The following LRP4 variants were observed in gnomAD, a reference collection of about 807,000 sequenced individuals.
LRP4 encodes the protein LDL receptor related protein 4.
Under a neutral mutation model 220.3 loss-of-function variants are expected in LRP4, and 95 were observed. The ratio of observed to expected loss-of-function variants is 0.43; its 90% CI spans 0.37 to 0.51. The LOEUF is 0.51. Ranked by LOEUF, LRP4 falls within the 20% of genes least tolerant of loss-of-function variation. The pLI, the probability that LRP4 is intolerant of heterozygous loss-of-function variation, is 0.00. For synonymous variants in LRP4, 903 were observed against 954.6 expected (o/e 0.95, Z 1.00); for missense variants, 1,925 against 2,567.0 (o/e 0.75, Z 5.40).
chr11:46,882,776 A>G (rs1443180233), intron 19 of LRP4, among the ~76,000 whole-genome samples: 1 of 152,072 alleles, frequency 6.6e-6, no homozygotes, highest in Non-Finnish European at 1.5e-5. Flanking sequence ...GGATTGCTTG[A>G]GCCCAGGAGG....
chr11:46,865,757 C>A (rs1262273863), intron 34 of LRP4, among the ~76,000 whole-genome samples: 1 of 152,186 alleles, frequency 6.6e-6, no homozygotes, highest in Non-Finnish European at 1.5e-5. Context: ...CTTGCAAGAG[C>A]ATTTGGAACC....
At chr11:46,860,268 T>TA (rs1174025506) in intron 37 of LRP4, among the ~76,000 whole-genome samples, 3 of 150,088 alleles carry the variant, frequency 2.0e-5, no homozygotes, top group Admixed American at 6.6e-5. Flanking sequence ...GAAAAAAAAC[T>TA]AAAAAAAAGG....
intron 13 of LRP4, among the ~76,000 whole-genome samples, chr11:46,891,428 TACACACACACACACAC>T (rs57116396): frequency 9.5e-5 from 14 of 147,086 alleles, no homozygotes; most frequent in African/African-American, 2.8e-4. Flanking sequence ...TTGTATTTTA[TACACACACACACACAC>T]ACACACACAC....
chr11:46,859,120 CTG>C lies in LRP4; in HGVS notation c.5579_5580del (p.Thr1860ArgfsTer12). 7.4e-6 allele frequency: 12 copies of C among 1,614,202 alleles called. No individual in the cohort carries two copies. Among genetic ancestry groups the C allele is most frequent in the Non-Finnish European group, 1.0e-5 (12 of 1,180,034 alleles). ...TCTTCCTGTAACAGCTGCTCCGTCT[CTG>C]TGTCATCCAGGGAGCCAGAGCTGGC... ...IQASSGSLDD[T>X]ETEQLLQEEQ... On this transcript the variant is annotated frameshift_variant, in exon 38 of 38. Transcript: ENST00000378623. LOFTEE classifies it high-confidence loss of function.
chr11:46,898,645 T>C lies in LRP4; in HGVS notation c.709A>G (p.Met237Val). 1 of 1,614,162 alleles carries C rather than the reference T, an allele frequency of 6.2e-7. No homozygotes were observed. The highest frequency in any genetic ancestry group is 8.5e-7 in the Non-Finnish European group (1 of 1,180,028). The change falls in exon 7 of 38, where the codon ATG becomes GTG. Residue 237 changes from methionine (M) to valine (V), a missense_variant. Met to Val is a conservative substitution (Grantham distance 21, BLOSUM62 1). Around this residue, in one of 3 missense-constraint regions of LRP4, gnomAD observed 412 missense variants for 505.4 expected, o/e 0.82. Coordinates refer to ENST00000378623, the MANE Select transcript of LRP4 (RefSeq NM_002334.4). ...TTGATGCACAGGCCACTGTCACACA[T>C]GAACTCCCCAGAGCGGCAGGGCTGG... Reference protein sequence around the residue: ...SHQPCRSGEFMCDSGLCINAG... With the variant: ...SHQPCRSGEFVCDSGLCINAG...
At chr11:46,904,031 C>T (rs1275070543) in intron 1 of LRP4, among the ~76,000 whole-genome samples, 1 of 152,248 alleles carries the variant, frequency 6.6e-6, no homozygotes, top group African/African-American at 2.4e-5. Flanking sequence ...TGCCCTGCTC[C>T]AGCCTCAGCT....
At chr11:46,885,793 G>A (rs6485704) in intron 18 of LRP4, among the ~76,000 whole-genome samples, 1 of 139,776 alleles carries the variant, frequency 7.2e-6, no homozygotes. Flanking sequence ...AAAAAAAAAG[G>A]CTGATTTACC....
At chr11:46,885,772 C>CAA (rs34867767) in intron 18 of LRP4, among the ~76,000 whole-genome samples, 868 of 56,994 alleles carry the variant, frequency 0.015, 33 homozygotes, top group African/African-American at 0.041. Flanking sequence ...GACTCCGCCT[C>CAA]AAAAAAAAAA....
intron 1 of LRP4, among the ~76,000 whole-genome samples, chr11:46,913,448 C>G (rs1362446636): frequency 1.3e-5 from 2 of 152,086 alleles, no homozygotes; most frequent in African/African-American, 4.8e-5. Context: ...GGTGGAGGAA[C>G]TAGGGGTTGG....
intron 33 of LRP4, 98 bp from the exon 34 acceptor site, chr11:46,868,212 A>G (rs1592515219): frequency 2.1e-6 from 3 of 1,458,974 alleles, no homozygotes; most frequent in East Asian, 4.6e-5. Context: ...ACAATCTTTT[A>G]GCTGCCCTAG....
chr11:46,856,952 A>G lies in LRP4; in HGVS notation c.*2031T>C, dbSNP rs766803662. On this transcript the variant is annotated 3_prime_UTR_variant, in exon 38 of 38. Coordinates refer to ENST00000378623, the MANE Select transcript of LRP4 (RefSeq NM_002334.4). This position sits in a 1 kb window ranked among gnomAD's most constrained non-coding sequence, Gnocchi z 4.1. ...TGGTTAAATAACTCCAGAAAGTCCA[A>G]TCTCTCCAGTGAGTAACGTTAAAAC... The G allele has an allele frequency of 2.0e-4, 31 of 152,790 alleles. No homozygotes were observed. The highest frequency in any genetic ancestry group is 1.9e-3 in the Admixed American group (29 of 15,306). 9.5% of individuals were successfully genotyped at this position (152,790 alleles called of 1,614,324 possible). A position where few individuals can be genotyped will look rare whatever the true frequency, so the allele number is the denominator to read the frequency against.
intron 7 of LRP4, among the ~76,000 whole-genome samples, chr11:46,898,005 G>A (rs1310965015): frequency 7.3e-6 from 1 of 137,748 alleles, no homozygotes; most frequent in Admixed American, 7.2e-5. Flanking sequence ...GCGGGGGGCT[G>A]ACCCCCCAAC....
At chr11:46,870,776 T>A (rs905074481) in intron 31 of LRP4, among the ~76,000 whole-genome samples, 1 of 152,210 alleles carries the variant, frequency 6.6e-6, no homozygotes, top group African/African-American at 2.4e-5. Flanking sequence ...TAGATCTTCT[T>A]TTCCTGGCCC....
At chr11:46,882,372 G>A (rs183035707) in intron 19 of LRP4, among the ~76,000 whole-genome samples, 1 of 151,938 alleles carries the variant, frequency 6.6e-6, no homozygotes, top group Non-Finnish European at 1.5e-5. Flanking sequence ...AGCTACTTGA[G>A]AGGCTGAGAT....
At chr11:46,900,782 C>T (rs892219279) in intron 2 of LRP4, among the ~76,000 whole-genome samples, 1 of 150,752 alleles carries the variant, frequency 6.6e-6, no homozygotes, top group African/African-American at 2.5e-5. Context: ...TGAGCCATGG[C>T]GCCTGGCCTT....
In LRP4 at chr11:46,899,488, G is replaced by A. The variant is rs1239578585; in HGVS notation, c.446C>T (p.Ser149Phe). Residue 149 changes from serine to phenylalanine, a missense_variant, in exon 5 of 38, where the codon TCC becomes TTC. By Grantham distance (155) the Ser-to-Phe change is radical. Coordinates refer to ENST00000378623, the MANE Select transcript of LRP4 (RefSeq NM_002334.4). The surrounding 1 kb of genome is among the most constrained non-coding windows in gnomAD (Gnocchi z 5.9). ...SDEQCDMRKCSDKEFRCSDGS... is the reference protein window; with the variant it reads ...SDEQCDMRKCFDKEFRCSDGS... ...GTCACTACAGCGGAACTCCTTGTCG[G>A]AGCACTTGCGCATGTCTGGGGGGAT... The A allele has an allele frequency of 3.1e-6, 5 of 1,613,348 alleles. No individual in the cohort carries two copies. The Admixed American group carries it at 8.3e-5, about 27-fold the overall frequency.
chr11:46,889,736 G>T, intron 15 of LRP4: 3 of 834,996 alleles, frequency 3.6e-6, no homozygotes, highest in Non-Finnish European at 5.8e-6. Flanking sequence ...AATTAGATGG[G>T]AACGGTGAAG....
Position 46,886,137 on chromosome 11 carries a change from G to A in LRP4, c.2460C>T (p.Gly820=), listed in dbSNP as rs754024973. 1.2e-6 allele frequency: 2 copies of A among 1,614,164 alleles called. No homozygotes were observed. Among genetic ancestry groups the A allele is most frequent in the East Asian group, 2.2e-5 (1 of 44,884 alleles). The change falls in exon 18 of 38, where the codon GGC becomes GGT. Residue 820 remains glycine, a synonymous_variant. Transcript: ENST00000378623. ...TGTTGGTGACCCAATCAATGGCCAG[G>A]CCAGCTGGGCTCTCCAAACTGGTAT... ...VVDTSLESPA[G]LAIDWVTNKL...
chr11:46,903,361 G>T (rs967616342), intron 1 of LRP4, among the ~76,000 whole-genome samples: 3 of 152,176 alleles, frequency 2.0e-5, no homozygotes, highest in Non-Finnish European at 4.4e-5. Context: ...GAGGGTAGTG[G>T]CATGTGCCTG....
Sources: allele counts gnomAD v4.1 joint callset (sites outside exome capture counted in the v4.1 genomes callset), GRCh38; gene constraint gnomAD v4.1.1; regional missense constraint gnomAD v4.1.1; non-coding constraint Gnocchi (gnomAD v3.1); transcripts MANE v1.5; gene names NCBI Gene and HGNC (gene_info 2026-07-23, HGNC 2026-07-21).